ACBD7: variants seen among roughly 807,000 people sequenced by gnomAD.
ACBD7 encodes the protein acyl-CoA binding domain containing 7, also known as acyl-CoA-binding domain-containing protein 7.
A neutral mutation model predicts 13.7 loss-of-function variants in ACBD7; 11 were observed. That is an observed-to-expected ratio of 0.80 (90% CI 0.50 to 1.33). The LOEUF (loss-of-function observed/expected upper bound fraction) is 1.33, where lower values mean the gene tolerates loss of function less well. Ranked by LOEUF, ACBD7 falls within the 40% of genes most tolerant of loss-of-function variation. The pLI, the probability that ACBD7 is intolerant of heterozygous loss-of-function variation, is 0.00. For synonymous variants in ACBD7, 43 were observed against 37.7 expected, an observed-to-expected ratio of 1.14 and a Z score of -0.51; for missense variants, 111 against 103.0, an observed-to-expected ratio of 1.08 and a Z score of -0.33.
chr10:15,076,562 G>T lies in ACBD7; in HGVS notation c.*1968C>A. ...TTGTCGCCCAGGCTGGAGTGCAGTG[G>T]TGTGATCTTGGCTCACTGCAACCTC... On this transcript the variant is annotated 3_prime_UTR_variant, in exon 4 of 4. Coordinates refer to ENST00000356189, the MANE Select transcript of ACBD7 (RefSeq NM_001039844.3). 1 of 797,038 alleles carries T rather than the reference G, an allele frequency of 1.3e-6. No individual in the cohort carries two copies. Among genetic ancestry groups the T allele is most frequent in the Non-Finnish European group, 1.5e-6 (1 of 659,338 alleles). The allele number at this position is 797,038 out of a possible 1,614,324, so 49.4% of individuals were successfully genotyped here.
chr10:15,078,809 TAG>T, intron 2 of ACBD7, 56 bp from the exon 3 acceptor site: 2 of 1,566,046 alleles, frequency 1.3e-6, no homozygotes, highest in Non-Finnish European at 1.7e-6. Context: ...TGCACTTCTA[TAG>T]ACATTGTTCA....
In ACBD7 at chr10:15,076,607, A is replaced by G; in HGVS notation, c.*1923T>C. 1 of 651,752 alleles carries G rather than the reference A, an allele frequency of 1.5e-6. No individual in the cohort carries two copies. Among genetic ancestry groups the G allele is most frequent in the Non-Finnish European group, 1.9e-6 (1 of 526,024 alleles). The allele number at this position is 651,752 out of a possible 1,614,324, so 40.4% of individuals were successfully genotyped here. A position where few individuals can be genotyped will look rare whatever the true frequency, so the allele number is the denominator to read the frequency against. On this transcript the variant is annotated 3_prime_UTR_variant, in exon 4 of 4. Transcript: ENST00000356189. Reference sequence around the variant, plus strand: ...AACCTCCATCTCCTGGGTAAAAGCAATTCTCCTGCCTCAGCCTCCCAAGTA... The same window carrying G: ...AACCTCCATCTCCTGGGTAAAAGCAGTTCTCCTGCCTCAGCCTCCCAAGTA...
In ACBD7 at chr10:15,078,365, T is replaced by C. The variant is rs972284123; in HGVS notation, c.*165A>G. 69 of 1,481,958 alleles carry C rather than the reference T, an allele frequency of 4.7e-5. No homozygotes were observed. Among genetic ancestry groups the C allele is most frequent in the Non-Finnish European group, 5.9e-5 (66 of 1,123,864 alleles). The allele number at this position is 1,481,958 out of a possible 1,614,324, so 91.8% of individuals were successfully genotyped here. On this transcript the variant is annotated 3_prime_UTR_variant, in exon 4 of 4. Transcript: ENST00000356189. ...AGACACCTGGTTTAAGCAAGTACAA[T>C]TGAGTTAACTATGTAGTTTCAGTAT... is the stretch of plus-strand genomic sequence containing the variant.
At position 15,075,858 on chromosome 10, in the gene ACBD7, C is replaced by A. The variant is rs958768228; in HGVS notation, c.*2672G>T. 6.6e-6 allele frequency among the ~76,000 whole-genome samples: 1 copy of A among 151,648 alleles called. No homozygotes were observed. Among genetic ancestry groups the A allele is most frequent in the Admixed American group, 6.6e-5 (1 of 15,192 alleles). On this transcript the variant is annotated 3_prime_UTR_variant, in exon 4 of 4. Coordinates refer to ENST00000356189, the MANE Select transcript of ACBD7 (RefSeq NM_001039844.3). ...GCATGGTTGCACGCACCTGTAGTCC[C>A]AGCTACTCTGGAGGCTGAGATGGGA...
In ACBD7 at chr10:15,075,728, C is replaced by T. The variant is rs1844671079; in HGVS notation, c.*2802G>A. On this transcript the variant is annotated 3_prime_UTR_variant, in exon 4 of 4. Transcript: ENST00000356189. ...GTGGCTCATGCCTATAGTCTCAGCA[C>T]TTTGGGGGGCCAAGGTGGGTAGATC... 6.6e-6 allele frequency among the ~76,000 whole-genome samples: 1 copy of T among 152,136 alleles called. No individual in the cohort carries two copies. Among genetic ancestry groups the T allele is most frequent in the Non-Finnish European group, 1.5e-5 (1 of 68,026 alleles).
intron 1 of ACBD7, among the ~76,000 whole-genome samples, chr10:15,081,273 C>T (rs1012913955): frequency 1.9e-4 from 29 of 152,004 alleles, no homozygotes; most frequent in African/African-American, 7.0e-4. Flanking sequence ...CTTCCTGGGG[C>T]TTGAGGCATG....
intron 1 of ACBD7, among the ~76,000 whole-genome samples, chr10:15,081,712 G>A (rs1433213921): frequency 6.6e-6 from 1 of 152,154 alleles, no homozygotes; most frequent in African/African-American, 2.4e-5. Context: ...TCTCAGCTTG[G>A]TCCACGAACA....
chr10:15,088,759 G>A lies in ACBD7; in HGVS notation c.-31C>T. ...CGGCTGCCGCGTTGTTGCTGCTGCTGTTGTCGTCCGGTGCTCTGCCCCCTC... is the reference window on the plus strand; with the variant it reads ...CGGCTGCCGCGTTGTTGCTGCTGCTATTGTCGTCCGGTGCTCTGCCCCCTC... On this transcript the variant is annotated 5_prime_UTR_variant, in exon 1 of 4. Coordinates refer to ENST00000356189, the MANE Select transcript of ACBD7 (RefSeq NM_001039844.3). 2 of 1,597,978 alleles carry A rather than the reference G, an allele frequency of 1.3e-6. No homozygotes were observed. Among genetic ancestry groups the A allele is most frequent in the Non-Finnish European group, 1.7e-6 (2 of 1,175,164 alleles).
chr10:15,076,490 G>C lies in ACBD7; in HGVS notation c.*2040C>G. On this transcript the variant is annotated 3_prime_UTR_variant, in exon 4 of 4. Transcript: ENST00000356189. ...TTTTTAAATTTCTTTAAACTGCTAT[G>C]GACAGACTTGTAATTTTTTTTTTTT... 3.2e-6 allele frequency: 3 copies of C among 941,786 alleles called. No individual in the cohort carries two copies. The highest frequency in any genetic ancestry group is 3.8e-6 in the Non-Finnish European group (3 of 795,354). 58.3% of individuals were successfully genotyped at this position (941,786 alleles called of 1,614,324 possible).
intron 3 of ACBD7, 33 bp downstream of exon 3, chr10:15,078,658 A>G (rs763538151): frequency 1.2e-6 from 2 of 1,614,062 alleles, no homozygotes; most frequent in African/African-American, 2.7e-5. Context: ...AAATTAAGAA[A>G]GTTTGCTTTA....
At position 15,076,900 on chromosome 10, in the gene ACBD7, C is replaced by A; in HGVS notation, c.*1630G>T. 1.0e-6 allele frequency: 1 copy of A among 985,398 alleles called. No individual in the cohort carries two copies. The allele number at this position is 985,398 out of a possible 1,614,324, so 61.0% of individuals were successfully genotyped here. ...CAAAAGAACAAACAGCTGTTCAAAT[C>A]TGTACACATATTACCAGGGCTAGAC... On this transcript the variant is annotated 3_prime_UTR_variant, in exon 4 of 4. Transcript: ENST00000356189.
At chr10:15,088,628 C>G (rs1844837169) in intron 1 of ACBD7, 89 bp downstream of exon 1, 1 of 1,523,920 alleles carries the variant, frequency 6.6e-7, no homozygotes, top group East Asian at 2.5e-5. Context: ...GCCGACCGCT[C>G]CCAGGGGCGC....
intron 1 of ACBD7, among the ~76,000 whole-genome samples, chr10:15,084,395 A>T (rs576708564): frequency 6.6e-6 from 1 of 152,328 alleles, no homozygotes; most frequent in East Asian, 1.9e-4. Flanking sequence ...AGAGCCATGG[A>T]CATTGAATTC....
intron 1 of ACBD7, among the ~76,000 whole-genome samples, chr10:15,087,322 G>A (rs1237347834): frequency 6.6e-6 from 1 of 151,612 alleles, no homozygotes; most frequent in Non-Finnish European, 1.5e-5. Context: ...CTGAGGCACG[G>A]AGAGGTTAAC....
rs1316717582 is a variant in ACBD7, at chr10:15,076,478, T to C, written c.*2052A>G. 1.0e-6 allele frequency: 1 copy of C among 956,554 alleles called. No individual in the cohort carries two copies. Among genetic ancestry groups the C allele is most frequent in the Non-Finnish European group, 1.2e-6 (1 of 804,324 alleles). The allele number at this position is 956,554 out of a possible 1,614,324, so 59.3% of individuals were successfully genotyped here. The stretch of plus-strand genomic sequence containing the variant: ...TCCTATGGGGGCTTTTTAAATTTCT[T>C]TAAACTGCTATGGACAGACTTGTAA... On this transcript the variant is annotated 3_prime_UTR_variant, in exon 4 of 4. Coordinates refer to ENST00000356189, the MANE Select transcript of ACBD7 (RefSeq NM_001039844.3).
At chr10:15,079,095 G>GA (rs991376387) in intron 1 of ACBD7, 55 bp from the exon 2 acceptor site, 1 of 1,197,210 alleles carries the variant, frequency 8.4e-7, no homozygotes, top group African/African-American at 1.5e-5. Flanking sequence ...CAAGGAATAG[G>GA]AACTCAAAGA....
intron 1 of ACBD7, among the ~76,000 whole-genome samples, chr10:15,082,064 G>C (rs1048946145): frequency 1.3e-5 from 2 of 152,244 alleles, no homozygotes; most frequent in South Asian, 2.1e-4. Context: ...AAGGCAGGTG[G>C]ATCACCTAAG....
chr10:15,077,073 TCCCAC>T lies in ACBD7; in HGVS notation c.*1452_*1456del. On this transcript the variant is annotated 3_prime_UTR_variant, in exon 4 of 4. Transcript: ENST00000356189. ...ATAGAACTACCATTCTACCCAGCAA[TCCCAC>T]TACTGGGTATCTTCTTAAAGGAAAA... 6 of 287,964 alleles carry T rather than the reference TCCCAC, an allele frequency of 2.1e-5. No homozygotes were observed. Among genetic ancestry groups the T allele is most frequent in the Non-Finnish European group, 2.6e-5 (5 of 192,484 alleles). The allele number at this position is 287,964 out of a possible 1,614,324, so 17.8% of individuals were successfully genotyped here.
In ACBD7 at chr10:15,088,752, T is replaced by C; in HGVS notation, c.-24A>G. 6 of 1,598,346 alleles carry C rather than the reference T, an allele frequency of 3.8e-6. No homozygotes were observed. The highest frequency in any genetic ancestry group is 1.1e-5 in the South Asian group (1 of 89,602). On this transcript the variant is annotated 5_prime_UTR_variant, in exon 1 of 4. Coordinates refer to ENST00000356189, the MANE Select transcript of ACBD7 (RefSeq NM_001039844.3). ...ATGGTGGCGGCTGCCGCGTTGTTGC[T>C]GCTGCTGTTGTCGTCCGGTGCTCTG...
Sources: gnomAD v4.1 joint callset for allele counts (sites outside exome capture counted in the v4.1 genomes callset) on GRCh38, gnomAD v4.1.1 for gene constraint, MANE v1.5 for transcripts, NCBI Gene and HGNC (gene_info 2026-07-23, HGNC 2026-07-21) for gene names.